FGF14: variants seen among roughly 807,000 people sequenced by gnomAD.
FGF14 encodes fibroblast growth factor homologous factor 4.
In FGF14, 5 loss-of-function variants were observed where a neutral mutation model predicts 25.5. The ratio of observed to expected loss-of-function variants is 0.20; its 90% CI spans 0.10 to 0.41. FGF14 has a LOEUF of 0.41. Ranked by LOEUF, FGF14 falls within the 10% of genes least tolerant of loss-of-function variation. The probability of loss-of-function intolerance (pLI) is 1.00; values close to 1 mark genes in which losing one functional copy is unlikely to be tolerated. For missense variants in FGF14, 222 were observed against 320.1 expected, an observed-to-expected ratio of 0.69 and a Z score of 2.34; for synonymous variants, 138 against 118.3, an observed-to-expected ratio of 1.17 and a Z score of -1.08.
At chr13:101,753,758 G>A (rs1185550607) in intron 3 of FGF14, among the ~76,000 whole-genome samples, 2 of 150,728 alleles carry the variant, frequency 1.3e-5, no homozygotes, top group Non-Finnish European at 2.9e-5. Flanking sequence ...AGCTGAGATG[G>A]AGCCATTGCA....
intron 3 of FGF14, among the ~76,000 whole-genome samples, chr13:101,846,873 G>C (rs2043491025): frequency 6.6e-6 from 1 of 152,052 alleles, no homozygotes; most frequent in Non-Finnish European, 1.5e-5. Context: ...AGGGCTTAGA[G>C]GAGCCAAGTC....
rs148211410 is a variant in FGF14 at position 101,862,191 on chromosome 13, C to G, written c.408+6534G>C. The stretch of plus-strand genomic sequence containing the variant: ...GGAACATGGTGGAGTAGGCAGAAAA[C>G]AAGGTCTCCCTTTCTCTTCTTGTGA... On this transcript the variant is annotated intron_variant, in intron 3 of 4. Coordinates refer to ENST00000376143, the MANE Select transcript of FGF14 (RefSeq NM_004115.4). Among the ~76,000 whole-genome samples, 1,029 of 152,168 alleles carry G rather than the reference C, an allele frequency of 6.8e-3. 11 individuals are homozygous for G. Among genetic ancestry groups the G allele is most frequent in the South Asian group, 0.018 (86 of 4,822 alleles).
intron 1 of FGF14, among the ~76,000 whole-genome samples, chr13:101,952,846 C>G (rs1234059403): frequency 6.6e-6 from 1 of 152,136 alleles, no homozygotes. Flanking sequence ...GCCTGACCAA[C>G]ATGGTGAAAC....
intron 1 of FGF14, among the ~76,000 whole-genome samples, chr13:102,348,885 C>T (rs1425554429): frequency 2.0e-5 from 3 of 152,108 alleles, no homozygotes; most frequent in Non-Finnish European, 4.4e-5. Flanking sequence ...ATGCCTTTAG[C>T]AAAAAGGTAC....
In FGF14 at chr13:101,786,120, G is replaced by T. The variant is rs541064485; in HGVS notation, c.409-59310C>A. 1.3e-5 allele frequency among the ~76,000 whole-genome samples: 2 copies of T among 152,228 alleles called. 1 individual carries two copies. The highest frequency in any genetic ancestry group is 1.3e-4 in the Admixed American group (2 of 15,292). On this transcript the variant is annotated intron_variant, in intron 3 of 4. Transcript: ENST00000376143. ...CACAACCACCACCAAAGTGCCCACTGCTGGTCTGATGTGTTGGCAGTAAGA... is the reference window on the plus strand; with the variant it reads ...CACAACCACCACCAAAGTGCCCACTTCTGGTCTGATGTGTTGGCAGTAAGA...
At chr13:102,283,487 A>C (rs2053947587) in intron 1 of FGF14, among the ~76,000 whole-genome samples, 1 of 152,224 alleles carries the variant, frequency 6.6e-6, no homozygotes. Context: ...TCTAGAAGGA[A>C]GTGTTTTACC....
intron 1 of FGF14, among the ~76,000 whole-genome samples, chr13:102,114,711 G>A (rs2045387428): frequency 6.6e-6 from 1 of 152,110 alleles, no homozygotes; most frequent in Non-Finnish European, 1.5e-5. Context: ...ATTATGGTAA[G>A]CAATATAACT....
intron 1 of FGF14, among the ~76,000 whole-genome samples, chr13:102,368,341 C>CA (rs924825138): frequency 2.2e-4 from 33 of 151,752 alleles, no homozygotes; most frequent in South Asian, 4.2e-4. Context: ...TTCTCATTAG[C>CA]AAAAAAATCG....
chr13:102,382,113 G>A (rs1449760023), intron 1 of FGF14, among the ~76,000 whole-genome samples: 1 of 152,070 alleles, frequency 6.6e-6, no homozygotes, highest in Admixed American at 6.6e-5. Flanking sequence ...CTATGTAAGT[G>A]ACAAAGAATA....
chr13:101,804,491 C>A (rs1008497519), intron 3 of FGF14, among the ~76,000 whole-genome samples: 1 of 152,150 alleles, frequency 6.6e-6, no homozygotes, highest in Non-Finnish European at 1.5e-5. Flanking sequence ...CTGCATGCTG[C>A]ACAGATTTTC....
chr13:102,130,184 G>A (rs477804), intron 1 of FGF14, among the ~76,000 whole-genome samples: 4,008 of 152,200 alleles, frequency 0.026, 179 homozygotes, highest in African/African-American at 0.092. Flanking sequence ...TCCAGCCCGG[G>A]GAAGAAGCTG....
intron 1 of FGF14, among the ~76,000 whole-genome samples, chr13:102,271,473 A>G (rs1443381971): frequency 6.6e-6 from 1 of 151,988 alleles, no homozygotes; most frequent in Admixed American, 6.6e-5. Context: ...ATTTCTCAAC[A>G]TACCAAACTC....
At chr13:102,365,644 TTC>T (rs1372681375) in intron 1 of FGF14, among the ~76,000 whole-genome samples, 1 of 152,182 alleles carries the variant, frequency 6.6e-6, no homozygotes, top group Non-Finnish European at 1.5e-5. Flanking sequence ...CTCTCATCAG[TTC>T]TCTGTCTCAC....
chr13:102,250,592 A>AC (rs1212383443), intron 1 of FGF14, among the ~76,000 whole-genome samples: 2 of 152,142 alleles, frequency 1.3e-5, no homozygotes, highest in Non-Finnish European at 2.9e-5. Flanking sequence ...CTTCTGGGAA[A>AC]CCACGGTGCA....
At chr13:101,994,626 T>C (rs2039084533) in intron 1 of FGF14, among the ~76,000 whole-genome samples, 1 of 152,082 alleles carries the variant, frequency 6.6e-6, no homozygotes, top group Non-Finnish European at 1.5e-5. Context: ...CAACTTTTAT[T>C]TCATTTCCCG....
chr13:102,096,424 T>C (rs1263328639), intron 1 of FGF14, among the ~76,000 whole-genome samples: 1 of 122,122 alleles, frequency 8.2e-6, no homozygotes, highest in Non-Finnish European at 2.0e-5. Flanking sequence ...TACTTTACTC[T>C]TTAATTAAAA....
intron 3 of FGF14, among the ~76,000 whole-genome samples, chr13:101,758,696 C>A (rs1927712): frequency 2.0e-5 from 3 of 151,874 alleles, no homozygotes; most frequent in African/African-American, 7.3e-5. Flanking sequence ...TGGTTGGCAA[C>A]AAATCGAAAA....
chr13:101,753,100 T>A (rs1441016434), intron 3 of FGF14, among the ~76,000 whole-genome samples: 2 of 152,168 alleles, frequency 1.3e-5, no homozygotes, highest in Non-Finnish European at 2.9e-5. Context: ...AAAAGCAGGT[T>A]CTGTTAGTGA....
intron 3 of FGF14, among the ~76,000 whole-genome samples, chr13:101,757,800 C>T (rs2037760668): frequency 6.6e-6 from 1 of 152,046 alleles, no homozygotes; most frequent in Non-Finnish European, 1.5e-5. Context: ...TGTATTTAGC[C>T]CCAGGAAACT....
Sources: gnomAD v4.1 joint callset for allele counts (sites outside exome capture counted in the v4.1 genomes callset) on GRCh38, gnomAD v4.1.1 for gene constraint, MANE v1.5 for transcripts, NCBI Gene and HGNC (gene_info 2026-07-23, HGNC 2026-07-21) for gene names.